KCNMA1: variants seen among roughly 807,000 people sequenced by gnomAD.
KCNMA1 encodes potassium calcium-activated channel subfamily M alpha 1, also known as Calcium-activated potassium channel subunit alpha-1.
KCNMA1 carries 29 observed loss-of-function variants against 140.0 expected under a neutral mutation model. The observed-to-expected ratio is 0.21, with a 90% CI of 0.15 to 0.28. KCNMA1 has a LOEUF of 0.28. KCNMA1 is among the 10% of genes least tolerant of loss of function. KCNMA1 has a pLI of 1.00. For missense variants in KCNMA1, 880 were observed against 1,602.2 expected, an observed-to-expected ratio of 0.55 and a Z score of 7.70; for synonymous variants, 612 against 611.9, an observed-to-expected ratio of 1.00 and a Z score of 0.00.
At chr10:77,633,132 T>A (rs1340946702) in intron 1 of KCNMA1, among the ~76,000 whole-genome samples, 1 of 152,148 alleles carries the variant, frequency 6.6e-6, no homozygotes, top group East Asian at 1.9e-4. Context: ...CTGGCCAATG[T>A]GGTGAAACCC....
intron 5 of KCNMA1, among the ~76,000 whole-genome samples, chr10:77,143,365 G>GT: frequency 6.6e-6 from 1 of 152,242 alleles, no homozygotes; most frequent in East Asian, 1.9e-4. Flanking sequence ...ATGAAACTAT[G>GT]TTGTGTTAAG....
intron 19 of KCNMA1, chr10:76,979,441 TACA>T (rs2078725270): frequency 6.6e-6 from 1 of 151,968 alleles, no homozygotes. Flanking sequence ...TTTATTTGCT[TACA>T]TATTTTGACA....
chr10:77,587,631 CCT>C (rs1415016085), intron 1 of KCNMA1: 3 of 884,758 alleles, frequency 3.4e-6, no homozygotes, highest in Non-Finnish European at 4.1e-6. Context: ...GCTGCGGGCC[CCT>C]GAGTGTCCGG....
intron 5 of KCNMA1, among the ~76,000 whole-genome samples, chr10:77,169,000 C>T (rs2098673624): frequency 6.6e-6 from 1 of 152,108 alleles, no homozygotes; most frequent in African/African-American, 2.4e-5. Context: ...AGGCAGTAGG[C>T]CAGAGTGGCT....
intron 1 of KCNMA1, among the ~76,000 whole-genome samples, chr10:77,506,586 AGAGAGAGAGAGT>A (rs1202207490): frequency 1.9e-5 from 2 of 107,608 alleles, no homozygotes; most frequent in Non-Finnish European, 1.7e-5. Flanking sequence ...AGAGAGAGAG[AGAGAGAGAGAGT>A]GTGTGTGTGT....
At chr10:77,623,593 C>T (rs1183675758) in intron 1 of KCNMA1, among the ~76,000 whole-genome samples, 7 of 151,256 alleles carry the variant, frequency 4.6e-5, no homozygotes, top group Non-Finnish European at 8.8e-5. Context: ...ATCCCAGTTA[C>T]GTGGGAGGCT....
intron 12 of KCNMA1, among the ~76,000 whole-genome samples, chr10:77,081,156 C>T (rs529360373): frequency 4.5e-4 from 68 of 152,246 alleles, no homozygotes; most frequent in African/African-American, 1.6e-3. Context: ...AATGGAAACA[C>T]GTGGGTTCCA....
intron 14 of KCNMA1, among the ~76,000 whole-genome samples, chr10:77,047,692 T>C (rs2095150540): frequency 6.6e-6 from 1 of 152,058 alleles, no homozygotes; most frequent in Non-Finnish European, 1.5e-5. Flanking sequence ...TTTTAAAGAT[T>C]GGCCTATTCA....
Position 76,946,271 on chromosome 10 carries a change from G to T in KCNMA1, c.2710-1306C>A, listed in dbSNP as rs532624697. Among the ~76,000 whole-genome samples, 66 of 152,258 alleles carry T rather than the reference G, an allele frequency of 4.3e-4. No individual in the cohort carries two copies. In the South Asian group the frequency reaches 7.3e-3, roughly 17 times the overall value. On this transcript the variant is annotated intron_variant, in intron 22 of 27. Transcript: ENST00000286628. ...CCCAGTGGCCACGCGGCATCATTTT[G>T]GGGCTCCTGTCTGGCCACCAGCTTC...
intron 5 of KCNMA1, among the ~76,000 whole-genome samples, chr10:77,171,411 G>A (rs1187942888): frequency 2.3e-5 from 2 of 85,116 alleles, no homozygotes; most frequent in Non-Finnish European, 5.1e-5. Context: ...GTGTGTGTGT[G>A]TGTGTGTGTG....
chr10:77,391,998 T>C (rs1318845253), intron 2 of KCNMA1, among the ~76,000 whole-genome samples: 1 of 150,830 alleles, frequency 6.6e-6, no homozygotes, highest in African/African-American at 2.4e-5. Context: ...GGGGAAAACC[T>C]GGGTAAGAAA....
At chr10:77,128,611 C>G (rs1161714252) in intron 5 of KCNMA1, among the ~76,000 whole-genome samples, 1 of 151,826 alleles carries the variant, frequency 6.6e-6, no homozygotes, top group Non-Finnish European at 1.5e-5. Context: ...AATGAGCCAT[C>G]CAGGTTAAGA....
At chr10:77,428,199 A>G (rs250708) in intron 1 of KCNMA1, among the ~76,000 whole-genome samples, 18,061 of 152,156 alleles carry the variant, frequency 0.12, 1,318 homozygotes, top group South Asian at 0.26. Context: ...GGAAGACAAA[A>G]CCAGGAGGTC....
At chr10:77,295,638 G>C (rs1427508026) in intron 2 of KCNMA1, among the ~76,000 whole-genome samples, 1 of 149,820 alleles carries the variant, frequency 6.7e-6, no homozygotes, top group East Asian at 2.0e-4. Context: ...AAAATTAGCC[G>C]GGCGCGGTGG....
chr10:77,589,776 A>C lies in KCNMA1; in HGVS notation c.378+47489T>G, dbSNP rs1022152952. On this transcript the variant is annotated intron_variant, in intron 1 of 27. Coordinates refer to ENST00000286628, the MANE Select transcript of KCNMA1 (RefSeq NM_001161352.2). ...GACCTTCGCGGTGTTACAGCTCATAAAGGCAGCGTGGGCCCAAAGAGTGAG... is the reference window on the plus strand; with the variant it reads ...GACCTTCGCGGTGTTACAGCTCATACAGGCAGCGTGGGCCCAAAGAGTGAG... Among the ~76,000 whole-genome samples, 17 of 152,224 alleles carry C rather than the reference A, an allele frequency of 1.1e-4. No homozygotes were observed. The South Asian group carries it at 1.2e-3, about 11-fold the overall frequency.
intron 9 of KCNMA1, among the ~76,000 whole-genome samples, chr10:77,106,188 G>A (rs937701861): frequency 3.3e-5 from 5 of 152,110 alleles, no homozygotes; most frequent in Non-Finnish European, 7.3e-5. Flanking sequence ...CGGACTCTGT[G>A]TCTGCAGGGT....
At chr10:77,242,902 ACACACACAC>A (rs1565448099) in intron 3 of KCNMA1, among the ~76,000 whole-genome samples, 14 of 127,838 alleles carry the variant, frequency 1.1e-4, no homozygotes, top group East Asian at 5.9e-4. Context: ...TGTTTCCTAC[ACACACACAC>A]ACACACACAC....
intron 3 of KCNMA1, among the ~76,000 whole-genome samples, chr10:77,188,367 C>T (rs1167086191): frequency 2.0e-5 from 3 of 152,110 alleles, no homozygotes; most frequent in Admixed American, 1.3e-4. Context: ...TAAATTGCTA[C>T]GGGTTAACTA....
intron 1 of KCNMA1, among the ~76,000 whole-genome samples, chr10:77,632,325 G>A (rs2093312121): frequency 1.3e-5 from 2 of 152,294 alleles, no homozygotes; most frequent in East Asian, 1.9e-4. Flanking sequence ...CCAAGAGACC[G>A]TGACATCACT....
Sources: gnomAD v4.1 joint callset for allele counts (sites outside exome capture counted in the v4.1 genomes callset) on GRCh38, gnomAD v4.1.1 for gene constraint, MANE v1.5 for transcripts, NCBI Gene and HGNC (gene_info 2026-07-23, HGNC 2026-07-21) for gene names.